The following IRF2 variants were observed in gnomAD, a reference collection of about 807,000 sequenced individuals.
The protein encoded by IRF2 is interferon regulatory factor 2.
A neutral mutation model predicts 40.6 loss-of-function variants in IRF2; 15 were observed. The observed-to-expected ratio is 0.37, with a 90% CI of 0.25 to 0.57. IRF2 has a LOEUF of 0.57. IRF2 is among the 20% of genes least tolerant of loss of function. IRF2 has a pLI of 0.77. For missense variants in IRF2, 317 were observed against 455.7 expected (o/e 0.70, Z 2.77); for synonymous variants, 151 against 165.5 (o/e 0.91, Z 0.67).
At chr4:184,415,411 G>A (rs538507837) in intron 5 of IRF2, among the ~76,000 whole-genome samples, 42 of 152,248 alleles carry the variant, frequency 2.8e-4, no homozygotes, top group South Asian at 2.1e-3. Flanking sequence ...ACCCAGGACC[G>A]TGCCTTCCAC....
chr4:184,461,550 C>T (rs936806776), intron 1 of IRF2, among the ~76,000 whole-genome samples: 1 of 152,142 alleles, frequency 6.6e-6, no homozygotes, highest in Non-Finnish European at 1.5e-5. Context: ...TACCTCAAAT[C>T]GAAGATAATT....
intron 7 of IRF2, among the ~76,000 whole-genome samples, chr4:184,396,309 C>T (rs1274256971): frequency 1.3e-5 from 2 of 152,146 alleles, no homozygotes; most frequent in Admixed American, 1.3e-4. Context: ...CGACACAGGG[C>T]GGGCGTTAAG....
At chr4:184,424,942 G>T (rs1737615387) in intron 2 of IRF2, among the ~76,000 whole-genome samples, 1 of 152,180 alleles carries the variant, frequency 6.6e-6, no homozygotes, top group South Asian at 2.1e-4. Flanking sequence ...TCAAATCCAT[G>T]ACATTCATCT....
intron 5 of IRF2, among the ~76,000 whole-genome samples, chr4:184,416,916 C>T (rs954053310): frequency 2.0e-5 from 3 of 151,906 alleles, no homozygotes; most frequent in Non-Finnish European, 4.4e-5. Context: ...CATGGTGGCA[C>T]GTGTTTGTAG....
rs1360649880 is a variant in IRF2 at position 184,440,929 on chromosome 4, T to C, written c.-6-11859A>G. 3.3e-5 allele frequency among the ~76,000 whole-genome samples: 5 copies of C among 152,168 alleles called. No homozygotes were observed. The East Asian group carries it at 7.7e-4, about 23-fold the overall frequency. On this transcript the variant is annotated intron_variant, in intron 1 of 8. Transcript: ENST00000393593. ...CTCTGGGATACCCAAAAAGAGGTGA[T>C]GGCTGGGCTACTAGCTGTGCGAGGC...
intron 6 of IRF2, among the ~76,000 whole-genome samples, chr4:184,400,725 C>T (rs976106660): frequency 1.3e-5 from 2 of 152,174 alleles, no homozygotes; most frequent in Non-Finnish European, 2.9e-5. Context: ...GGCAGCATTT[C>T]GTGTCATCAC....
At chr4:184,433,414 G>A (rs543762982) in intron 1 of IRF2, among the ~76,000 whole-genome samples, 1 of 152,284 alleles carries the variant, frequency 6.6e-6, no homozygotes, top group South Asian at 2.1e-4. Flanking sequence ...CTCCTCCACT[G>A]GTCGGCGTGC....
rs1002353618 is a variant in IRF2 at position 184,395,241 on chromosome 4, C to G, written c.694+3674G>C. Among the ~76,000 whole-genome samples, 5 of 151,968 alleles carry G rather than the reference C, an allele frequency of 3.3e-5. No individual in the cohort carries two copies. In the East Asian group the frequency reaches 9.7e-4, roughly 29 times the overall value. Reference sequence around the variant, plus strand: ...CCTGGCTAACACGGTGAAACCCCGTCTCTACTAAAAATACAAAAAAAATTA... The same window carrying G: ...CCTGGCTAACACGGTGAAACCCCGTGTCTACTAAAAATACAAAAAAAATTA... On this transcript the variant is annotated intron_variant, in intron 7 of 8. Coordinates refer to ENST00000393593, the MANE Select transcript of IRF2 (RefSeq NM_002199.4).
At chr4:184,390,491 C>T (rs1356606620) in intron 8 of IRF2, among the ~76,000 whole-genome samples, 2 of 152,220 alleles carry the variant, frequency 1.3e-5, no homozygotes, top group East Asian at 3.8e-4. Context: ...CATTTAACTC[C>T]CTTTCCTCCT....
intron 1 of IRF2, among the ~76,000 whole-genome samples, chr4:184,462,954 G>A (rs571938694): frequency 1.8e-4 from 27 of 152,334 alleles, no homozygotes; most frequent in Middle Eastern, 3.4e-3. Context: ...GTCAAACACC[G>A]GTGAGGAATG....
chr4:184,431,780 C>T (rs542737589), intron 1 of IRF2, among the ~76,000 whole-genome samples: 1 of 125,924 alleles, frequency 7.9e-6, no homozygotes, highest in East Asian at 2.6e-4. Context: ...ACACGAGAGG[C>T]GTGTGGAAGT....
Position 184,428,772 on chromosome 4 carries a change from G to C in IRF2, c.87+206C>G, listed in dbSNP as rs184407870. On this transcript the variant is annotated intron_variant, in intron 2 of 8. Transcript: ENST00000393593. ...TATGACTGCACCACTGCACTCCAGC[G>C]TGGGCCATATAGTGAGACCCTGTCT... 635 of 589,068 alleles carry C rather than the reference G, an allele frequency of 1.1e-3. 9 individuals carry two copies. The highest frequency in any genetic ancestry group is 0.01 in the African/African-American group (566 of 54,432). 36.5% of individuals were successfully genotyped at this position (589,068 alleles called of 1,614,324 possible).
At chr4:184,396,690 C>A (rs1736478217) in intron 7 of IRF2, among the ~76,000 whole-genome samples, 1 of 152,072 alleles carries the variant, frequency 6.6e-6, no homozygotes, top group Non-Finnish European at 1.5e-5. Context: ...CCCACTTCAG[C>A]CTTCCAGTGC....
intron 2 of IRF2, 137 bp from the exon 3 acceptor site, chr4:184,419,705 T>G: frequency 1.6e-6 from 1 of 638,128 alleles, no homozygotes; most frequent in Non-Finnish European, 2.7e-6. Context: ...GACAAGAAAA[T>G]CTACTGTAAA....
At chr4:184,400,939 T>C (rs1736642689) in intron 6 of IRF2, among the ~76,000 whole-genome samples, 1 of 152,244 alleles carries the variant, frequency 6.6e-6, no homozygotes, top group Admixed American at 6.5e-5. Flanking sequence ...TTTGCCACCA[T>C]CATCAACGTT....
intron 1 of IRF2, among the ~76,000 whole-genome samples, chr4:184,447,663 A>G (rs778419055): frequency 6.6e-6 from 1 of 152,260 alleles, no homozygotes; most frequent in Non-Finnish European, 1.5e-5. Flanking sequence ...GGGCAAATCA[A>G]AAGCATGTAT....
intron 6 of IRF2, among the ~76,000 whole-genome samples, chr4:184,401,216 T>C (rs1471844062): frequency 1.3e-5 from 2 of 152,268 alleles, no homozygotes; most frequent in Non-Finnish European, 2.9e-5. Flanking sequence ...AAGTATTTTA[T>C]TTTCTGAAGT....
chr4:184,448,431 G>C lies in IRF2; in HGVS notation c.-6-19361C>G, dbSNP rs913258186. On this transcript the variant is annotated intron_variant, in intron 1 of 8. Coordinates refer to ENST00000393593, the MANE Select transcript of IRF2 (RefSeq NM_002199.4). The surrounding 1 kb of genome is among the most constrained non-coding windows in gnomAD (Gnocchi z 4.3). ...TCATTTCCTGGGGGAGATGAGGAGT[G>C]ATGGTCCATAATTCATTTAAATTGT... 6.6e-6 allele frequency among the ~76,000 whole-genome samples: 1 copy of C among 152,166 alleles called. No homozygotes were observed. The highest frequency in any genetic ancestry group is 1.5e-5 in the Non-Finnish European group (1 of 68,034).
intron 5 of IRF2, among the ~76,000 whole-genome samples, chr4:184,414,961 G>A (rs561059922): frequency 1.3e-5 from 2 of 152,326 alleles, no homozygotes; most frequent in Non-Finnish European, 2.9e-5. Flanking sequence ...TATTAACTCA[G>A]TGCTTGGGTG....
Sources: gnomAD v4.1 joint callset for allele counts (sites outside exome capture counted in the v4.1 genomes callset) on GRCh38, gnomAD v4.1.1 for gene constraint, Gnocchi (gnomAD v3.1) non-coding constraint, MANE v1.5 for transcripts, NCBI Gene and HGNC (gene_info 2026-07-23, HGNC 2026-07-21) for gene names.